Variants in IARS2 observed in about 807,000 individuals in gnomAD.
The protein encoded by IARS2 is isoleucyl-tRNA synthetase 2, mitochondrial.
In IARS2, 56 loss-of-function variants were observed where a neutral mutation model predicts 126.3. That is an observed-to-expected ratio of 0.44 (90% CI 0.36 to 0.55). The LOEUF (loss-of-function observed/expected upper bound fraction) is 0.55, where lower values mean the gene tolerates loss of function less well. Among genes scored for constraint, IARS2 ranks in the 20% least tolerant of loss-of-function variants. The probability of loss-of-function intolerance (pLI) is 0.00; values close to 1 mark genes in which losing one functional copy is unlikely to be tolerated. For missense variants in IARS2, 1,127 were observed against 1,245.9 expected (o/e 0.90, Z 1.44); for synonymous variants, 407 against 441.1 (o/e 0.92, Z 0.97).
intron 1 of IARS2, among the ~76,000 whole-genome samples, chr1:220,095,883 A>G (rs1203349505): frequency 1.3e-5 from 2 of 152,230 alleles, no homozygotes; most frequent in African/African-American, 2.4e-5. Flanking sequence ...TTAGACTTCA[A>G]TCTGAGGTGT....
intron 12 of IARS2, among the ~76,000 whole-genome samples, chr1:220,115,504 G>A (rs1050362133): frequency 6.6e-6 from 1 of 152,076 alleles, no homozygotes; most frequent in South Asian, 2.1e-4. Context: ...AGGTTGCAGT[G>A]AGCCAAGATC....
intron 12 of IARS2, among the ~76,000 whole-genome samples, chr1:220,124,074 A>T (rs1337860629): frequency 6.6e-6 from 1 of 152,252 alleles, no homozygotes; most frequent in Admixed American, 6.5e-5. Flanking sequence ...TGGTGGAGCC[A>T]GAAATTAAGC....
chr1:220,137,686 A>G, intron 16 of IARS2: 1 of 462,336 alleles, frequency 2.2e-6, no homozygotes, highest in South Asian at 2.8e-5. Flanking sequence ...GAGATTAGGT[A>G]TGAGCATTTG....
At chr1:220,129,998 C>G (rs1034179129) in intron 14 of IARS2, among the ~76,000 whole-genome samples, 10 of 152,184 alleles carry the variant, frequency 6.6e-5, no homozygotes, top group Non-Finnish European at 1.3e-4. Context: ...GTTCCATTCT[C>G]TCCACATCCT....
Position 220,094,284 on chromosome 1 carries a change from G to T in IARS2, c.68G>T (p.Gly23Val). 1 of 1,610,462 alleles carries T rather than the reference G, an allele frequency of 6.2e-7. No individual in the cohort carries two copies. The highest frequency in any genetic ancestry group is 8.5e-7 in the Non-Finnish European group (1 of 1,178,658). The change falls in exon 1 of 23, where the codon GGG (glycine) becomes GTG (valine). Residue 23 changes from glycine to valine, a missense_variant. Transcript: ENST00000366922. ...AALATARSLW[G>V]TPRLPCSPGW... ...CTGGCCACTGCCCGAAGTTTGTGGGGGACGCCCCGCCTTCCCTGCAGCCCG... is the reference window on the plus strand; with the variant it reads ...CTGGCCACTGCCCGAAGTTTGTGGGTGACGCCCCGCCTTCCCTGCAGCCCG...
chr1:220,112,280 G>A (rs1416016867), intron 11 of IARS2, among the ~76,000 whole-genome samples: 1 of 115,342 alleles, frequency 8.7e-6, no homozygotes, highest in Non-Finnish European at 1.8e-5. Context: ...GACTACAGGC[G>A]CCCGCCACCG....
At chr1:220,102,071 A>G (rs1273779073) in intron 3 of IARS2, 58 bp from the exon 4 acceptor site, 1 of 1,485,296 alleles carries the variant, frequency 6.7e-7, no homozygotes, top group Non-Finnish European at 9.3e-7. Context: ...ATGCTAAACC[A>G]TGTTTAAGAA....
At chr1:220,099,619 G>T (rs1656530877) in intron 2 of IARS2, among the ~76,000 whole-genome samples, 1 of 152,152 alleles carries the variant, frequency 6.6e-6, no homozygotes, top group Non-Finnish European at 1.5e-5. Flanking sequence ...GAATTCATAG[G>T]TGAAGAGGAC....
At chr1:220,104,065 C>T (rs1206951672) in intron 8 of IARS2, among the ~76,000 whole-genome samples, 1 of 152,224 alleles carries the variant, frequency 6.6e-6, no homozygotes. Context: ...CCTCAAACTC[C>T]CGGGCTCAAG....
chr1:220,132,575 G>A (rs886227100), intron 14 of IARS2, among the ~76,000 whole-genome samples: 1 of 148,518 alleles, frequency 6.7e-6, no homozygotes, highest in East Asian at 2.0e-4. Context: ...GCCCAGACTG[G>A]AGTGCAGTGG....
Position 220,114,432 on chromosome 1 carries a change from C to A in IARS2, c.1598C>A (p.Pro533His). The A allele has an allele frequency of 6.2e-7, 1 of 1,613,872 alleles. No individual in the cohort carries two copies. The highest frequency in any genetic ancestry group is 1.3e-5 in the African/African-American group (1 of 75,016). ...SRQRVWGVPI[P>H]VFHHKTKDEY... ...CAAAGAGTTTGGGGTGTTCCAATTCCTGTGTTTCATCATAAGACCAAGGAT... is the reference window on the plus strand; with the variant it reads ...CAAAGAGTTTGGGGTGTTCCAATTCATGTGTTTCATCATAAGACCAAGGAT... Residue 533 changes from proline (P) to histidine (H), a missense_variant, in exon 12 of 23, where the codon CCT becomes CAT. By Grantham distance (77) the Pro-to-His change is moderately conservative. Transcript: ENST00000366922.
chr1:220,120,256 A>G (rs1314970429), intron 12 of IARS2, among the ~76,000 whole-genome samples: 2 of 151,658 alleles, frequency 1.3e-5, no homozygotes, highest in African/African-American at 2.4e-5. Flanking sequence ...TGATTTTTGT[A>G]TATTTAGTAG....
chr1:220,125,363 A>G lies in IARS2; in HGVS notation c.1743+24A>G, dbSNP rs201426552. 8.5e-5 allele frequency: 123 copies of G among 1,442,152 alleles called. No homozygotes were observed. The East Asian group carries it at 2.8e-3, about 33-fold the overall frequency. The allele number at this position is 1,442,152 out of a possible 1,614,324, so 89.3% of individuals were successfully genotyped here. On this transcript the variant is annotated intron_variant, in intron 13 of 22. Transcript: ENST00000366922. The stretch of plus-strand genomic sequence containing the variant: ...AGGTAAATTTCTGTTTGTATTTAAC[A>G]GCCTTTGTATGTATTACAGGACTTA...
At chr1:220,107,208 C>G (rs573892540) in intron 10 of IARS2, 57 bp downstream of exon 10, 3 of 1,051,026 alleles carry the variant, frequency 2.9e-6, no homozygotes, top group Non-Finnish European at 4.5e-6. Context: ...GTAGCAGTAA[C>G]CTTTGCTACC....
At chr1:220,137,175 A>T (rs1657393784) in intron 16 of IARS2, among the ~76,000 whole-genome samples, 1 of 135,098 alleles carries the variant, frequency 7.4e-6, no homozygotes, top group Non-Finnish European at 1.6e-5. Context: ...TCCTTTTGTG[A>T]TTCGTAAGCG....
Position 220,147,574 on chromosome 1 carries a change from A to G in IARS2, c.2978A>G (p.Tyr993Cys). 6.2e-7 allele frequency: 1 copy of G among 1,614,158 alleles called. No homozygotes were observed. ...TKEKCPRCWK[Y>C]TAESSDTLCP... ...GAAAAATGCCCCCGTTGTTGGAAGTATACAGCGGAGTCTTCAGATACACTG... is the reference window on the plus strand; with the variant it reads ...GAAAAATGCCCCCGTTGTTGGAAGTGTACAGCGGAGTCTTCAGATACACTG... The change falls in exon 23 of 23, where the codon TAT (tyrosine) becomes TGT (cysteine). Residue 993 changes from tyrosine (Y) to cysteine (C), a missense_variant. Coordinates refer to ENST00000366922, the MANE Select transcript of IARS2 (RefSeq NM_018060.4).
intron 1 of IARS2, among the ~76,000 whole-genome samples, chr1:220,094,841 G>A (rs1656403340): frequency 6.6e-6 from 1 of 152,080 alleles, no homozygotes; most frequent in Admixed American, 6.6e-5. Context: ...ATGTCCACAT[G>A]TAAATAAAAA....
intron 14 of IARS2, among the ~76,000 whole-genome samples, chr1:220,127,289 T>G (rs1333534088): frequency 2.0e-5 from 3 of 152,370 alleles, no homozygotes; most frequent in African/African-American, 7.2e-5. Context: ...ACCCTGATTT[T>G]CAGTTCTCAT....
chr1:220,111,002 G>A (rs1486701073), intron 11 of IARS2, 65 bp downstream of exon 11: 4 of 1,465,566 alleles, frequency 2.7e-6, no homozygotes, highest in Non-Finnish European at 3.7e-6. Flanking sequence ...GGGGCTGCAT[G>A]TGAGGTTGAG....
Sources: gnomAD v4.1 joint callset for allele counts (sites outside exome capture counted in the v4.1 genomes callset) on GRCh38, gnomAD v4.1.1 for gene constraint, MANE v1.5 for transcripts, NCBI Gene and HGNC (gene_info 2026-07-23, HGNC 2026-07-21) for gene names.